Variants in GMIP observed in about 807,000 individuals in gnomAD.
GMIP encodes GEM interacting protein.
Under a neutral mutation model 105.3 loss-of-function variants are expected in GMIP, and 54 were observed. The ratio of observed to expected loss-of-function variants is 0.51; its 90% CI spans 0.41 to 0.64. The LOEUF is 0.64. GMIP is among the 30% of genes least tolerant of loss of function. The probability of loss-of-function intolerance (pLI) is 0.00; values close to 1 mark genes in which losing one functional copy is unlikely to be tolerated. For missense variants in GMIP, 1,110 were observed against 1,319.4 expected (o/e 0.84, Z 2.46); for synonymous variants, 541 against 560.8 (o/e 0.96, Z 0.50).
intron 19 of GMIP, among the ~76,000 whole-genome samples, chr19:19,631,161 C>T (rs541372879): frequency 6.6e-6 from 1 of 152,078 alleles, no homozygotes; most frequent in African/African-American, 2.4e-5. Flanking sequence ...AGATCATGCC[C>T]CTGCACTCCA....
chr19:19,638,143 G>C lies in GMIP; in HGVS notation c.789+16C>G, dbSNP rs1307111279. 2 of 1,574,878 alleles carry C rather than the reference G, an allele frequency of 1.3e-6. No homozygotes were observed. The highest frequency in any genetic ancestry group is 2.3e-5 in the South Asian group (2 of 88,506). ...GGGCGCCACAGCGCTACAGGGGCTC[G>C]GGGCCGGGTGCCCACCTTGGCCTGG... On this transcript the variant is annotated intron_variant, in intron 9 of 20. Transcript: ENST00000203556.
In GMIP at chr19:19,629,954, C is replaced by G; in HGVS notation, c.*9G>C. The G allele has an allele frequency of 6.2e-7, 1 of 1,605,072 alleles. No homozygotes were observed. The highest frequency in any genetic ancestry group is 8.5e-7 in the Non-Finnish European group (1 of 1,176,834). Reference sequence around the variant, plus strand: ...CTGGGCCTCTTCCTTATTTAAGGTGCCAGGGTGGTCAGAGATGGTCCTCGG... The same window carrying G: ...CTGGGCCTCTTCCTTATTTAAGGTGGCAGGGTGGTCAGAGATGGTCCTCGG... On this transcript the variant is annotated 3_prime_UTR_variant, in exon 21 of 21. Coordinates refer to ENST00000203556, the MANE Select transcript of GMIP (RefSeq NM_016573.4).
rs564904493 is a variant in GMIP, at chr19:19,635,242, G to T, written c.1561-29C>A. The T allele has an allele frequency of 1.1e-5, 18 of 1,592,852 alleles. No homozygotes were observed. In the South Asian group the frequency reaches 1.8e-4, roughly 16 times the overall value. On this transcript the variant is annotated intron_variant, in intron 15 of 20. Coordinates refer to ENST00000203556, the MANE Select transcript of GMIP (RefSeq NM_016573.4). This position sits in a 1 kb window ranked among gnomAD's most constrained non-coding sequence, Gnocchi z 4.7. ...TGGGGAAGGTCACAGGGACAGGGAG[G>T]TCATTAGGGACCAGTAGGGGAAGAG...
rs2061922948 is a variant in GMIP, at chr19:19,641,829, C to G, written c.219G>C (p.Glu73Asp). Residue 73 changes from glutamate (E) to aspartate (D), a missense_variant, in exon 4 of 21, where the codon GAG becomes GAC. This residue lies in a region of GMIP where 667 missense variants were observed against 773.2 expected (regional missense o/e 0.86). Transcript: ENST00000203556. ...CCCTACCTGTGAGGGGTACAGGACCCTCTGGGGAGGGGCCGCTCCAACAGC... is the reference window on the plus strand; with the variant it reads ...CCCTACCTGTGAGGGGTACAGGACCGTCTGGGGAGGGGCCGCTCCAACAGC... ...EASCWSGPSP[E>D]GPVPLTGEEL... is the part of the protein sequence containing the mutation. 6.2e-7 allele frequency: 1 copy of G among 1,612,272 alleles called. No homozygotes were observed. The highest frequency in any genetic ancestry group is 8.5e-7 in the Non-Finnish European group (1 of 1,179,682).
chr19:19,637,367 G>C lies in GMIP; in HGVS notation c.1122C>G (p.Asn374Lys). ...FSFQEFLPSLNSSPLDIRKKL... is the reference protein window; with the variant it reads ...FSFQEFLPSLKSSPLDIRKKL... ...GACTCCCTGCTCCAGTGACCCACCT[G>C]TTCAAGGAGGGAAGGAACTCCTGGA... The change falls in exon 11 of 21, where the codon AAC becomes AAG. Residue 374 changes from asparagine (N) to lysine (K), a missense_variant and splice_region_variant. Around this residue, in one of 3 missense-constraint regions of GMIP, gnomAD observed 667 missense variants for 773.2 expected, o/e 0.86. Transcript: ENST00000203556. This position sits in a 1 kb window ranked among gnomAD's most constrained non-coding sequence, Gnocchi z 6.7. The C allele has an allele frequency of 6.7e-7, 1 of 1,498,528 alleles. No homozygotes were observed. The highest frequency in any genetic ancestry group is 8.9e-7 in the Non-Finnish European group (1 of 1,127,556). The allele number at this position is 1,498,528 out of a possible 1,614,324, so 92.8% of individuals were successfully genotyped here. A position where few individuals can be genotyped will look rare whatever the true frequency, so the allele number is the denominator to read the frequency against.
At position 19,637,173 on chromosome 19, in the gene GMIP, T is replaced by C. The variant is rs1206146516; in HGVS notation, c.1125-144A>G. 46 of 679,702 alleles carry C rather than the reference T, an allele frequency of 6.8e-5. No homozygotes were observed. The highest frequency in any genetic ancestry group is 1.0e-5 in the Non-Finnish European group (4 of 397,888). 42.1% of individuals were successfully genotyped at this position (679,702 alleles called of 1,614,324 possible). ...GGGCATTGTGGCCCCTGAAATACAGTAGCCCCACATTCCTGCCCCTGCCCC... is the reference window on the plus strand; with the variant it reads ...GGGCATTGTGGCCCCTGAAATACAGCAGCCCCACATTCCTGCCCCTGCCCC... On this transcript the variant is annotated intron_variant, in intron 11 of 20. Coordinates refer to ENST00000203556, the MANE Select transcript of GMIP (RefSeq NM_016573.4). This position sits in a 1 kb window ranked among gnomAD's most constrained non-coding sequence, Gnocchi z 6.7.
Position 19,630,920 on chromosome 19 carries a change from G to C in GMIP, c.2473-383C>G, listed in dbSNP as rs1315524892. Among the ~76,000 whole-genome samples, 1 of 152,130 alleles carries C rather than the reference G, an allele frequency of 6.6e-6. No individual in the cohort carries two copies. Among genetic ancestry groups the C allele is most frequent in the Non-Finnish European group, 1.5e-5 (1 of 68,024 alleles). ...GATGCCCTTATAAGTGTACTGCTTG[G>C]CCAGGCATGGTGGTGCATGCCTGTA... On this transcript the variant is annotated intron_variant, in intron 19 of 20. Transcript: ENST00000203556. This position sits in a 1 kb window ranked among gnomAD's most constrained non-coding sequence, Gnocchi z 4.8.
Position 19,643,593 on chromosome 19 carries a change from C to G in GMIP, c.-64G>C. 2.1e-6 allele frequency: 3 copies of G among 1,431,906 alleles called. No homozygotes were observed. The highest frequency in any genetic ancestry group is 2.6e-5 in the South Asian group (2 of 76,696). 88.7% of individuals were successfully genotyped at this position (1,431,906 alleles called of 1,614,324 possible). A position where few individuals can be genotyped will look rare whatever the true frequency, so the allele number is the denominator to read the frequency against. ...GGATGGGGTCGCGCGCCGGCGGGGCCGAGCCCCGATTTCCTGCCGCCGCAG... is the reference window on the plus strand; with the variant it reads ...GGATGGGGTCGCGCGCCGGCGGGGCGGAGCCCCGATTTCCTGCCGCCGCAG... On this transcript the variant is annotated 5_prime_UTR_variant, in exon 1 of 21. Transcript: ENST00000203556.
rs772158399 is a variant in GMIP, at chr19:19,633,894, T to C, written c.2381A>G (p.Asp794Gly). 2.0e-6 allele frequency: 3 copies of C among 1,485,542 alleles called. No homozygotes were observed. Among genetic ancestry groups the C allele is most frequent in the African/African-American group, 1.5e-5 (1 of 66,366 alleles). The allele number at this position is 1,485,542 out of a possible 1,614,324, so 92.0% of individuals were successfully genotyped here. The part of the protein sequence containing the change: ...SQPPPPHLDP[D>G]SQPPVLASDP... Reference sequence around the variant, plus strand: ...TGAGGCTAGGACTGGGGGCTGGGAGTCTGGGTCAAGGTGCGGGGGTGGCGG... The same window carrying C: ...TGAGGCTAGGACTGGGGGCTGGGAGCCTGGGTCAAGGTGCGGGGGTGGCGG... Residue 794 changes from aspartate to glycine, a missense_variant, in exon 19 of 21, where the codon GAC (aspartate) becomes GGC (glycine). Coordinates refer to ENST00000203556, the MANE Select transcript of GMIP (RefSeq NM_016573.4).
rs2061876785 is a variant in GMIP at position 19,638,142 on chromosome 19, C to T, written c.789+17G>A. On this transcript the variant is annotated intron_variant, in intron 9 of 20. Coordinates refer to ENST00000203556, the MANE Select transcript of GMIP (RefSeq NM_016573.4). ...GGGGCGCCACAGCGCTACAGGGGCT[C>T]GGGGCCGGGTGCCCACCTTGGCCTG... 2.5e-6 allele frequency: 4 copies of T among 1,573,766 alleles called. No homozygotes were observed. The highest frequency in any genetic ancestry group is 2.7e-5 in the African/African-American group (2 of 74,318).
At position 19,635,529 on chromosome 19, in the gene GMIP, G is replaced by C; in HGVS notation, c.1446C>G (p.Phe482Leu). 6.2e-7 allele frequency: 1 copy of C among 1,613,638 alleles called. No individual in the cohort carries two copies. The highest frequency in any genetic ancestry group is 1.1e-5 in the South Asian group (1 of 91,074). The change falls in exon 15 of 21, where the codon TTC becomes TTG. Residue 482 changes from phenylalanine (F) to leucine (L), a missense_variant. This residue lies in a region of GMIP where 667 missense variants were observed against 773.2 expected (regional missense o/e 0.86). Transcript: ENST00000203556. This position sits in a 1 kb window ranked among gnomAD's most constrained non-coding sequence, Gnocchi z 4.7. The stretch of plus-strand genomic sequence containing the variant: ...CCGCGCTGGACAGTGTCCACTTCCC[G>C]AAGGGGCTGCCCAGCCCATTCTCCA... ...DGLENGLGSP[F>L]GKWTLSSAAQ...
chr19:19,636,314 GGAGTTCGAGATC>G, intron 13 of GMIP, among the ~76,000 whole-genome samples: 1 of 152,172 alleles, frequency 6.6e-6, no homozygotes, highest in South Asian at 2.1e-4. Flanking sequence ...CCTGAGGTCA[GGAGTTCGAGATC>G]AGCCTGGCCA....
chr19:19,635,737 T>A lies in GMIP; in HGVS notation c.1328-16A>T, dbSNP rs768928335. 4 of 1,610,662 alleles carry A rather than the reference T, an allele frequency of 2.5e-6. No homozygotes were observed. In the East Asian group the frequency reaches 6.7e-5, roughly 27 times the overall value. On this transcript the variant is annotated splice_polypyrimidine_tract_variant and intron_variant, in intron 13 of 20. Coordinates refer to ENST00000203556, the MANE Select transcript of GMIP (RefSeq NM_016573.4). The surrounding 1 kb of genome is among the most constrained non-coding windows in gnomAD (Gnocchi z 4.7). ...GTGCCAGCGCCTGGGGTCAGAGGAA[T>A]CATGGGAGATTCCTGGGCTATGGGA...
chr19:19,639,976 G>A lies in GMIP; in HGVS notation c.537+109C>T, dbSNP rs552302690. 130 of 647,632 alleles carry A rather than the reference G, an allele frequency of 2.0e-4. No homozygotes were observed. The Middle Eastern group carries it at 2.1e-3, about 11-fold the overall frequency. The allele number at this position is 647,632 out of a possible 1,614,324, so 40.1% of individuals were successfully genotyped here. On this transcript the variant is annotated intron_variant, in intron 7 of 20. Transcript: ENST00000203556. ...GCTTCCTCATCAATGAAATGGCGAC[G>A]TTGGTAGTGGTGCCTTCCTCCCAGC...
At chr19:19,636,613 T>G in intron 13 of GMIP, 94 bp downstream of exon 13, 1 of 907,754 alleles carries the variant, frequency 1.1e-6, no homozygotes, top group South Asian at 1.3e-5. Flanking sequence ...AGGTCAGAGG[T>G]CAAAGATAGT....
In GMIP at chr19:19,637,714, C is replaced by A. The variant is rs1221790210; in HGVS notation, c.928-153G>T. On this transcript the variant is annotated intron_variant, in intron 10 of 20. Coordinates refer to ENST00000203556, the MANE Select transcript of GMIP (RefSeq NM_016573.4). This position sits in a 1 kb window ranked among gnomAD's most constrained non-coding sequence, Gnocchi z 6.7. ...AACTAGGGCAGTCGGCCAGGGGACC[C>A]AGGCATGGTCAGAGCAGGGGCTGGT... Among the ~76,000 whole-genome samples the A allele has an allele frequency of 6.6e-6, 1 of 152,196 alleles. No individual in the cohort carries two copies. The highest frequency in any genetic ancestry group is 2.4e-5 in the African/African-American group (1 of 41,448).
chr19:19,629,904 G>A lies in GMIP; in HGVS notation c.*59C>T. 2 of 1,521,448 alleles carry A rather than the reference G, an allele frequency of 1.3e-6. No individual in the cohort carries two copies. The highest frequency in any genetic ancestry group is 1.8e-6 in the Non-Finnish European group (2 of 1,125,290). The allele number at this position is 1,521,448 out of a possible 1,614,324, so 94.2% of individuals were successfully genotyped here. ...TTGGCCACTAGGTGGTGGGAGGTAG[G>A]GATATATGGGTCCGTCTTCACAATC... On this transcript the variant is annotated 3_prime_UTR_variant, in exon 21 of 21. Transcript: ENST00000203556.
Position 19,634,403 on chromosome 19 carries a change from CAGGTCAAAGGTCAG to C in GMIP, c.2084+90_2084+103del. The C allele has an allele frequency of 9.0e-7, 1 of 1,110,524 alleles. No homozygotes were observed. The highest frequency in any genetic ancestry group is 1.3e-6 in the Non-Finnish European group (1 of 752,968). 68.8% of individuals were successfully genotyped at this position (1,110,524 alleles called of 1,614,324 possible). On this transcript the variant is annotated intron_variant, in intron 18 of 20. Transcript: ENST00000203556. The surrounding 1 kb of genome is among the most constrained non-coding windows in gnomAD (Gnocchi z 6.1). ...ATTAAGGTTCAGAGTTCAGAAAACACAGGTCAAAGGTCAGAGGTCAGTGTCAGGGGTCAGCCAGG... is the reference window on the plus strand; with the variant it reads ...ATTAAGGTTCAGAGTTCAGAAAACACAGGTCAGTGTCAGGGGTCAGCCAGG...
intron 4 of GMIP, 59 bp downstream of exon 4, chr19:19,641,751 A>G: frequency 8.2e-7 from 1 of 1,222,312 alleles, no homozygotes; most frequent in South Asian, 1.2e-5. Context: ...ATCAGTGGTG[A>G]TTTGTTGAAG....
Sources: allele counts gnomAD v4.1 joint callset (sites outside exome capture counted in the v4.1 genomes callset), GRCh38; gene constraint gnomAD v4.1.1; regional missense constraint gnomAD v4.1.1; non-coding constraint Gnocchi (gnomAD v3.1); transcripts MANE v1.5; gene names NCBI Gene and HGNC (gene_info 2026-07-23, HGNC 2026-07-21).